NBEA: variants seen among roughly 807,000 people sequenced by gnomAD.
NBEA encodes neurobeachin, also known as lysosomal-trafficking regulator 2.
Under a neutral mutation model 343.4 loss-of-function variants are expected in NBEA, and 44 were observed. That is an observed-to-expected ratio of 0.13 (90% CI 0.10 to 0.16). The LOEUF (loss-of-function observed/expected upper bound fraction) is 0.16, where lower values mean the gene tolerates loss of function less well. Ranked by LOEUF, NBEA falls within the 10% of genes least tolerant of loss-of-function variation. The pLI, the probability that NBEA is intolerant of heterozygous loss-of-function variation, is 1.00. For missense variants in NBEA, 2,555 were observed against 3,631.3 expected (o/e 0.70, Z 7.62); for synonymous variants, 1,175 against 1,238.7 (o/e 0.95, Z 1.08).
intron 4 of NBEA, among the ~76,000 whole-genome samples, chr13:35,045,781 T>G (rs139355443): frequency 0.046 from 6,950 of 152,026 alleles, 238 homozygotes; most frequent in Non-Finnish European, 0.067. Flanking sequence ...AGGCTGGAGT[T>G]CAGTGGCGTG....
At chr13:35,348,098 T>C (rs2039988801) in intron 36 of NBEA, among the ~76,000 whole-genome samples, 1 of 152,098 alleles carries the variant, frequency 6.6e-6, no homozygotes, top group African/African-American at 2.4e-5. Flanking sequence ...AAAGTCTCCA[T>C]TTTTTGATGA....
chr13:35,196,880 A>G (rs1170404029), intron 31 of NBEA, among the ~76,000 whole-genome samples: 2 of 152,142 alleles, frequency 1.3e-5, no homozygotes, highest in African/African-American at 4.8e-5. Context: ...TATTTTTGAA[A>G]GGTATTTTGG....
At chr13:35,432,733 AGTAAATACTGTG>A (rs1305154815) in intron 39 of NBEA, among the ~76,000 whole-genome samples, 1 of 152,002 alleles carries the variant, frequency 6.6e-6, no homozygotes, top group Non-Finnish European at 1.5e-5. Context: ...CAAGACCCAT[AGTAAATACTGTG>A]ATCCTGTACT....
chr13:35,630,933 T>G (rs888048110), intron 49 of NBEA, among the ~76,000 whole-genome samples: 10 of 152,154 alleles, frequency 6.6e-5, no homozygotes, highest in Non-Finnish European at 2.9e-5. Flanking sequence ...TAATTTCCCC[T>G]TTCCCACTTC....
intron 45 of NBEA, among the ~76,000 whole-genome samples, chr13:35,576,618 A>G (rs1457285677): frequency 1.3e-5 from 2 of 152,210 alleles, no homozygotes; most frequent in Non-Finnish European, 2.9e-5. Flanking sequence ...AAGAGTATAC[A>G]GGGAAGACTA....
intron 11 of NBEA, 64 bp from the exon 12 acceptor site, chr13:35,109,226 A>G (rs1434345391): frequency 1.4e-5 from 20 of 1,415,570 alleles, no homozygotes; most frequent in Non-Finnish European, 1.8e-5. Flanking sequence ...CTTATGCTAA[A>G]TCAGAAATTA....
rs916843697 is a variant in NBEA at position 35,173,400 on chromosome 13, A to G, written c.4424-64A>G. 1.0e-5 allele frequency: 14 copies of G among 1,406,922 alleles called. No homozygotes were observed. The African/African-American group carries it at 1.6e-4, about 16-fold the overall frequency. The allele number at this position is 1,406,922 out of a possible 1,614,324, so 87.2% of individuals were successfully genotyped here. Reference sequence around the variant, plus strand: ...AAAGGGAAGAAGAAATAAACTTGCAACTTTTTCCAGGATATCAAAGTCAAC... The same window carrying G: ...AAAGGGAAGAAGAAATAAACTTGCAGCTTTTTCCAGGATATCAAAGTCAAC... On this transcript the variant is annotated intron_variant, in intron 26 of 58. Transcript: ENST00000379939.
rs188547111 is a variant in NBEA, at chr13:35,562,578, C to T, written c.6923-4327C>T. Among the ~76,000 whole-genome samples the T allele has an allele frequency of 8.5e-5, 13 of 152,058 alleles. No homozygotes were observed. In the East Asian group the frequency reaches 2.5e-3, roughly 29 times the overall value. ...TTTTTCTCCTGTTTAGCATTTTCCA[C>T]TTTTTTACTCTGTGATGAACAAGCC... On this transcript the variant is annotated intron_variant, in intron 44 of 58. Transcript: ENST00000379939.
At chr13:35,074,569 C>T (rs907741443) in intron 10 of NBEA, among the ~76,000 whole-genome samples, 47 of 152,090 alleles carry the variant, frequency 3.1e-4, no homozygotes, top group African/African-American at 1.0e-3. Flanking sequence ...AATTTGGGCT[C>T]AAATCCCTGT....
At chr13:35,382,114 G>A (rs1594424105) in intron 38 of NBEA, among the ~76,000 whole-genome samples, 1 of 152,130 alleles carries the variant, frequency 6.6e-6, no homozygotes, top group Admixed American at 6.6e-5. Context: ...ATGAATGTGA[G>A]GGGAAACATC....
rs563533203 is a variant in NBEA at position 35,312,406 on chromosome 13, G to A, written c.5903+2814G>A. On this transcript the variant is annotated intron_variant, in intron 36 of 58. Coordinates refer to ENST00000379939, the MANE Select transcript of NBEA (RefSeq NM_001385012.1). ...AATTGTATAGTGCAGAGGACTAGCG[G>A]CAAGAGAATAGTGAGACATGTTACT... 6.0e-4 allele frequency among the ~76,000 whole-genome samples: 91 copies of A among 152,302 alleles called. 1 individual carries two copies. Among genetic ancestry groups the A allele is most frequent in the African/African-American group, 2.1e-3 (86 of 41,552 alleles).
At chr13:35,509,956 T>C (rs1369171739) in intron 41 of NBEA, among the ~76,000 whole-genome samples, 1 of 152,224 alleles carries the variant, frequency 6.6e-6, no homozygotes, top group Non-Finnish European at 1.5e-5. Flanking sequence ...GTTTATTAAA[T>C]TTCATCTTGC....
At chr13:35,513,414 G>T (rs561640815) in intron 41 of NBEA, among the ~76,000 whole-genome samples, 2 of 147,382 alleles carry the variant, frequency 1.4e-5, no homozygotes, top group African/African-American at 5.0e-5. Flanking sequence ...GCCTCTCAAA[G>T]TGCTAGGATT....
intron 33 of NBEA, among the ~76,000 whole-genome samples, chr13:35,214,128 A>G (rs1383108902): frequency 6.6e-6 from 1 of 151,924 alleles, no homozygotes; most frequent in Admixed American, 6.6e-5. Flanking sequence ...GGCTATTAAT[A>G]ATCTACTCTT....
At chr13:35,531,678 A>G (rs1185095993) in intron 41 of NBEA, among the ~76,000 whole-genome samples, 1 of 152,206 alleles carries the variant, frequency 6.6e-6, no homozygotes, top group Non-Finnish European at 1.5e-5. Context: ...GTTAGTGAGC[A>G]CACAGTTCCC....
At chr13:35,117,752 A>G (rs1043113708) in intron 14 of NBEA, among the ~76,000 whole-genome samples, 2 of 152,108 alleles carry the variant, frequency 1.3e-5, no homozygotes, top group East Asian at 3.9e-4. Context: ...TCTTATAGTA[A>G]TTGACCATTA....
rs1171463488 is a variant in NBEA, at chr13:35,531,306, C to G, written c.6586-19171C>G. On this transcript the variant is annotated intron_variant, in intron 41 of 58. Transcript: ENST00000379939. ...AGACTTGCCGTAGTCTTCCTACTATCATAGTTGCTGATAGCTGCTTTCCAT... is the reference window on the plus strand; with the variant it reads ...AGACTTGCCGTAGTCTTCCTACTATGATAGTTGCTGATAGCTGCTTTCCAT... 1.9e-4 allele frequency among the ~76,000 whole-genome samples: 29 copies of G among 152,166 alleles called. 1 individual carries two copies. The highest frequency in any genetic ancestry group is 1.9e-3 in the Admixed American group (29 of 15,274).
chr13:35,474,852 G>T, intron 41 of NBEA: 2 of 593,928 alleles, frequency 3.4e-6, no homozygotes, highest in Non-Finnish European at 5.8e-6. Flanking sequence ...AATACTAGTG[G>T]CTTTGGGTTT....
intron 49 of NBEA, among the ~76,000 whole-genome samples, chr13:35,640,402 A>C (rs563853841): frequency 6.6e-6 from 1 of 152,196 alleles, no homozygotes; most frequent in South Asian, 2.1e-4. Flanking sequence ...TGAATTACAA[A>C]AGGCACTCCT....
Sources: gnomAD v4.1 joint callset for allele counts (sites outside exome capture counted in the v4.1 genomes callset) on GRCh38, gnomAD v4.1.1 for gene constraint, MANE v1.5 for transcripts, NCBI Gene and HGNC (gene_info 2026-07-23, HGNC 2026-07-21) for gene names.